The following TENM1 variants were observed in gnomAD, a reference collection of about 807,000 sequenced individuals.
The protein encoded by TENM1 is teneurin transmembrane protein 1.
TENM1 carries 35 observed loss-of-function variants against 174.8 expected under a neutral mutation model. The observed-to-expected ratio is 0.20, with a 90% CI of 0.15 to 0.27. TENM1 has a LOEUF of 0.27. Ranked by LOEUF, TENM1 falls within the 10% of genes least tolerant of loss-of-function variation. The pLI is 1.00. For synonymous variants in TENM1, 781 were observed against 798.7 expected (o/e 0.98, Z 0.37); for missense variants, 1,633 against 2,130.1 (o/e 0.77, Z 4.59).
chrX:124,685,461 A>G (rs2052337985), intron 5 of TENM1, among the ~76,000 whole-genome samples: 1 of 111,749 alleles, frequency 8.9e-6, no homozygotes, highest in Non-Finnish European at 1.9e-5. Flanking sequence ...AGAATCAACG[A>G]GCTCAAAGGC....
chrX:125,009,247 C>A, the TENM1 span, among the ~76,000 whole-genome samples: 2 of 109,773 alleles, frequency 1.8e-5, no homozygotes, highest in Non-Finnish European at 3.8e-5. Flanking sequence ...TTAGAGAATA[C>A]TAAAAACAAC....
At chrX:124,503,924 G>T (rs2047387048) in intron 18 of TENM1, among the ~76,000 whole-genome samples, 2 of 111,805 alleles carry the variant, frequency 1.8e-5, no homozygotes, top group African/African-American at 3.2e-5. Context: ...ATATGAAGGA[G>T]TGAGTAAATA....
the TENM1 span, among the ~76,000 whole-genome samples, chrX:125,110,706 T>C: frequency 8.9e-6 from 1 of 111,806 alleles, no homozygotes; most frequent in Non-Finnish European, 1.9e-5. Flanking sequence ...TAAAACTTCA[T>C]TTTGAATAGC....
intron 3 of TENM1, among the ~76,000 whole-genome samples, chrX:124,795,777 A>G (rs180672754): frequency 9.1e-6 from 1 of 110,200 alleles, no homozygotes; most frequent in African/African-American, 3.3e-5. Flanking sequence ...AACATTTTTG[A>G]CAGGCCAAAA....
At chrX:124,538,026 C>A (rs1001692821) in intron 15 of TENM1, among the ~76,000 whole-genome samples, 7 of 111,812 alleles carry the variant, frequency 6.3e-5, no homozygotes, top group African/African-American at 2.3e-4. Context: ...TTCTTCTTTG[C>A]CCAAGAGCAT....
rs1486117375 is a variant in TENM1, at chrX:124,405,302, G to A, written c.5156-36C>T. The A allele has an allele frequency of 3.6e-6, 4 of 1,108,796 alleles. No homozygotes were observed. In the Admixed American group the frequency reaches 8.8e-5, roughly 24 times the overall value. The allele number at this position is 1,108,796 out of a possible 1,213,427, so 91.4% of individuals were successfully genotyped here. A position where few individuals can be genotyped will look rare whatever the true frequency, so the allele number is the denominator to read the frequency against. On this transcript the variant is annotated intron_variant, in intron 26 of 31. Coordinates refer to ENST00000422452, the Ensembl canonical transcript of TENM1. ...AAGAGCAAAGGAGGAAGAGGGGGAA[G>A]GAAGGGAAGAGCAGGAAGCAGAAAA... is the stretch of plus-strand genomic sequence containing the variant.
chrX:124,629,877 T>C (rs2050719492), intron 11 of TENM1, among the ~76,000 whole-genome samples: 1 of 112,315 alleles, frequency 8.9e-6, no homozygotes, highest in African/African-American at 3.2e-5. Flanking sequence ...GTTAAATTTA[T>C]AGAAGGCTCT....
At position 124,764,442 on chromosome X, in the gene TENM1, TA is replaced by T. The variant is rs201341038; in HGVS notation, c.536-27246del. Among the ~76,000 whole-genome samples the T allele has an allele frequency of 9.0e-3, 1,007 of 111,513 alleles. 14 individuals are homozygous for T. Among genetic ancestry groups the T allele is most frequent in the African/African-American group, 0.031 (955 of 30,680 alleles). On this transcript the variant is annotated intron_variant, in intron 3 of 31. Coordinates refer to ENST00000422452, the Ensembl canonical transcript of TENM1. The stretch of plus-strand genomic sequence containing the variant: ...GTGAAAGTACTTAGTGACAGCTGTA[TA>T]AAAATACCTGCTTCTGCTACATTTA...
chrX:124,388,755 G>A lies in TENM1; in HGVS notation c.5689-2691C>T, dbSNP rs1196390920. 1.9e-4 allele frequency among the ~76,000 whole-genome samples: 21 copies of A among 112,257 alleles called. No individual in the cohort carries two copies. The East Asian group carries it at 5.9e-3, about 31-fold the overall frequency. ...AGAAATTTGAAAAGTTAAAGCATTT[G>A]AATGACCACCAGATGGCAGTGTGGG... On this transcript the variant is annotated intron_variant, in intron 28 of 31. Transcript: ENST00000422452.
chrX:124,405,156 C>T (rs765866863), exon 27 of TENM1: 12 of 1,211,616 alleles, frequency 9.9e-6, no homozygotes, highest in Non-Finnish European at 1.3e-5. Flanking sequence ...GTAGGGTTGA[C>T]TGCCCCTGCC....
intron 3 of TENM1, among the ~76,000 whole-genome samples, chrX:124,884,988 A>C (rs1291957424): frequency 9.0e-6 from 1 of 111,677 alleles, no homozygotes; most frequent in Non-Finnish European, 1.9e-5. Flanking sequence ...TGTTATTAAT[A>C]CTTCACCGAA....
At chrX:124,389,193 A>G (rs907854719) in intron 28 of TENM1, among the ~76,000 whole-genome samples, 10 of 112,510 alleles carry the variant, frequency 8.9e-5, no homozygotes, top group Non-Finnish European at 1.3e-4. Context: ...AATGATATGC[A>G]TAAGTTTCAC....
chrX:124,764,153 A>G (rs2054485720), intron 3 of TENM1, among the ~76,000 whole-genome samples: 2 of 112,164 alleles, frequency 1.8e-5, no homozygotes, highest in East Asian at 5.6e-4. Context: ...CCAGTGACAA[A>G]TAAGTTTGCC....
intron 11 of TENM1, among the ~76,000 whole-genome samples, chrX:124,571,445 A>T (rs144928616): frequency 1.8e-3 from 206 of 111,662 alleles, no homozygotes; most frequent in African/African-American, 6.3e-3. Flanking sequence ...TAGAAAAAGG[A>T]CTACATATAA....
At chrX:125,069,655 G>C in the TENM1 span, among the ~76,000 whole-genome samples, 5 of 110,299 alleles carry the variant, frequency 4.5e-5, no homozygotes, top group South Asian at 2.0e-3. Flanking sequence ...ATGCATGCAG[G>C]GCTTAAAACC....
intron 3 of TENM1, among the ~76,000 whole-genome samples, chrX:124,790,098 G>A (rs1406483891): frequency 9.0e-6 from 1 of 111,165 alleles, no homozygotes; most frequent in African/African-American, 3.3e-5. Context: ...GCTTGTGCAG[G>A]GCAACTCCCC....
At chrX:124,581,680 T>C (rs1308509475) in intron 11 of TENM1, among the ~76,000 whole-genome samples, 11 of 109,267 alleles carry the variant, frequency 1.0e-4, no homozygotes, top group African/African-American at 3.3e-4. Flanking sequence ...TTCCTTTTTC[T>C]TCACAGCCTC....
intron 25 of TENM1, among the ~76,000 whole-genome samples, chrX:124,415,986 G>C (rs1403373804): frequency 9.0e-6 from 1 of 111,175 alleles, no homozygotes; most frequent in African/African-American, 3.3e-5. Flanking sequence ...TGTTTACTCT[G>C]TTTCTCCTCC....
the TENM1 span, among the ~76,000 whole-genome samples, chrX:124,971,324 A>G: frequency 8.9e-6 from 1 of 111,773 alleles, no homozygotes; most frequent in African/African-American, 3.3e-5. Flanking sequence ...AATCTCCCCC[A>G]TAATCCTACC....
Sources: allele counts gnomAD v4.1 joint callset (sites outside exome capture counted in the v4.1 genomes callset), GRCh38; gene constraint gnomAD v4.1.1; transcripts MANE v1.5; gene names NCBI Gene and HGNC (gene_info 2026-07-23, HGNC 2026-07-21).